The following CDH23 variants were observed in gnomAD, a reference collection of about 807,000 sequenced individuals.
The protein encoded by CDH23 is cadherin-23.
Under a neutral mutation model 317.1 loss-of-function variants are expected in CDH23, and 189 were observed. The observed-to-expected ratio is 0.60, with a 90% CI of 0.53 to 0.67. CDH23 has a LOEUF of 0.67. CDH23 is among the 30% of genes least tolerant of loss of function. CDH23 has a pLI of 0.00. For missense variants in CDH23, 4,401 were observed against 4,592.4 expected (o/e 0.96, Z 1.20); for synonymous variants, 1,839 against 1,876.8 (o/e 0.98, Z 0.52).
chr10:71,587,181 A>G (rs1433574270), intron 9 of CDH23, among the ~76,000 whole-genome samples: 1 of 152,272 alleles, frequency 6.6e-6, no homozygotes, highest in Non-Finnish European at 1.5e-5. Flanking sequence ...CGGCAGATCC[A>G]GGATTCAAAC....
At chr10:71,432,629 T>A (rs1849448397) in intron 1 of CDH23, among the ~76,000 whole-genome samples, 1 of 152,170 alleles carries the variant, frequency 6.6e-6, no homozygotes. Context: ...TGGGGCCAAG[T>A]GCCAGCCTTG....
rs368582818 is a variant in CDH23, at chr10:71,732,366, C to T, written c.4095C>T (p.Asp1365=). The T allele has an allele frequency of 9.5e-5, 149 of 1,563,320 alleles. No individual in the cohort carries two copies. The highest frequency in any genetic ancestry group is 9.4e-4 in the Admixed American group (49 of 51,990). ...AGGCCAAAGCCCTCTTCAAGATAGA[C>T]GCCATCACGGTGAGGGGCTGGGGGC... is the stretch of plus-strand genomic sequence containing the variant. ...STQAKALFKI[D]AITGVITVQG... Residue 1365 remains aspartate, a synonymous_variant, in exon 32 of 70, where the codon GAC becomes GAT. Transcript: ENST00000224721.
chr10:71,752,233 A>T (rs924600986), intron 38 of CDH23, among the ~76,000 whole-genome samples: 3 of 152,134 alleles, frequency 2.0e-5, no homozygotes, highest in Non-Finnish European at 2.9e-5. Context: ...AGGATCGAAC[A>T]TCCCCAAAGC....
At chr10:71,764,976 T>C (rs1840496918) in intron 38 of CDH23, among the ~76,000 whole-genome samples, 1 of 152,160 alleles carries the variant, frequency 6.6e-6, no homozygotes, top group African/African-American at 2.4e-5. Flanking sequence ...GTGCCCCTGG[T>C]TTTGTCCGTG....
intron 3 of CDH23, among the ~76,000 whole-genome samples, chr10:71,505,852 A>G (rs1426980874): frequency 6.6e-6 from 1 of 152,270 alleles, no homozygotes; most frequent in African/African-American, 2.4e-5. Context: ...ACATAGAATT[A>G]CTGTATGTTC....
At chr10:71,601,653 G>A (rs1202351251) in intron 9 of CDH23, among the ~76,000 whole-genome samples, 1 of 152,160 alleles carries the variant, frequency 6.6e-6, no homozygotes, top group Non-Finnish European at 1.5e-5. Context: ...AGGGTAACGG[G>A]GTGCTGGGTG....
At chr10:71,444,046 A>C (rs1325049055) in intron 2 of CDH23, among the ~76,000 whole-genome samples, 1 of 152,244 alleles carries the variant, frequency 6.6e-6, no homozygotes, top group Non-Finnish European at 1.5e-5. Context: ...TCAACAGCCC[A>C]AAGCAGCTAT....
At chr10:71,415,019 C>A (rs1331538294) in intron 1 of CDH23, among the ~76,000 whole-genome samples, 1 of 152,108 alleles carries the variant, frequency 6.6e-6, no homozygotes. Flanking sequence ...TGTCCTCATG[C>A]ATTTTTATAC....
intron 1 of CDH23, among the ~76,000 whole-genome samples, chr10:71,405,789 G>A (rs967670228): frequency 6.6e-6 from 1 of 152,018 alleles, no homozygotes; most frequent in African/African-American, 2.4e-5. Flanking sequence ...GTGGGGTGGG[G>A]GATCCTTCCA....
At chr10:71,772,336 A>G (rs890494818) in intron 38 of CDH23, among the ~76,000 whole-genome samples, 3 of 152,080 alleles carry the variant, frequency 2.0e-5, no homozygotes, top group African/African-American at 7.2e-5. Flanking sequence ...TCCCTGTGCC[A>G]AGCCCTCCAC....
chr10:71,518,105 T>C (rs148282621), intron 6 of CDH23, among the ~76,000 whole-genome samples: 1 of 152,260 alleles, frequency 6.6e-6, no homozygotes, highest in East Asian at 1.9e-4. Flanking sequence ...ATTTAAATAA[T>C]ATCTTCTGTA....
At chr10:71,509,554 A>G (rs113109476) in intron 3 of CDH23, among the ~76,000 whole-genome samples, 1,975 of 152,280 alleles carry the variant, frequency 0.013, 39 homozygotes, top group African/African-American at 0.041. Flanking sequence ...GCCAATGAGC[A>G]ACTCCCATGA....
intron 38 of CDH23, chr10:71,761,761 G>A (rs1840392715): frequency 1.2e-6 from 2 of 1,614,170 alleles, no homozygotes; most frequent in Non-Finnish European, 1.7e-6. Flanking sequence ...CCAGCCCGTG[G>A]CGCTGAGCCA....
In CDH23 at chr10:71,806,192, G is replaced by A. The variant is rs1385516067; in HGVS notation, c.8089G>A (p.Gly2697Ser). Residue 2697 changes from glycine (G) to serine (S), a missense_variant, in exon 57 of 70, where the codon GGC (glycine) becomes AGC (serine). Around this residue, in one of 3 missense-constraint regions of CDH23, gnomAD observed 1,144 missense variants for 1,138.2 expected, o/e 1.01. Coordinates refer to ENST00000224721, the MANE Select transcript of CDH23 (RefSeq NM_022124.6). ...YSLILVASDLGQPVPYETMQP... is the reference protein window; with the variant it reads ...YSLILVASDLSQPVPYETMQP... ...GCTCATCTTGGTGGCCAGCGACCTG[G>A]GCCAGCCAGTGCCATACGAGACTAT... 11 of 1,570,614 alleles carry A rather than the reference G, an allele frequency of 7.0e-6. No individual in the cohort carries two copies. Among genetic ancestry groups the A allele is most frequent in the Non-Finnish European group, 9.5e-6 (11 of 1,158,554 alleles).
At chr10:71,532,603 G>A (rs1240826637) in intron 6 of CDH23, among the ~76,000 whole-genome samples, 1 of 152,086 alleles carries the variant, frequency 6.6e-6, no homozygotes, top group Non-Finnish European at 1.5e-5. Flanking sequence ...GCTGGATGGA[G>A]ACTCAGGCAA....
At chr10:71,763,366 G>C (rs963054160) in intron 38 of CDH23, among the ~76,000 whole-genome samples, 39 of 152,208 alleles carry the variant, frequency 2.6e-4, no homozygotes, top group African/African-American at 8.9e-4. Context: ...AGAGAGGGAA[G>C]GAGGGTTAGA....
intron 1 of CDH23, among the ~76,000 whole-genome samples, chr10:71,416,477 A>G (rs942967884): frequency 3.9e-5 from 6 of 152,206 alleles, no homozygotes; most frequent in Non-Finnish European, 8.8e-5. Context: ...TTTTACATCC[A>G]TAAGACATTA....
At chr10:71,468,854 C>G (rs950753415) in intron 3 of CDH23, among the ~76,000 whole-genome samples, 1 of 152,208 alleles carries the variant, frequency 6.6e-6, no homozygotes, top group African/African-American at 2.4e-5. Context: ...ACTCCACGCA[C>G]GCCTCTGTTC....
At chr10:71,618,807 A>G (rs1861324663) in intron 11 of CDH23, among the ~76,000 whole-genome samples, 2 of 151,742 alleles carry the variant, frequency 1.3e-5, no homozygotes, top group South Asian at 4.2e-4. Flanking sequence ...CAGTCCCACC[A>G]TGTGCCTGTG....
Sources: gnomAD v4.1 joint callset for allele counts (sites outside exome capture counted in the v4.1 genomes callset) on GRCh38, gnomAD v4.1.1 for gene constraint, gnomAD v4.1.1 regional missense constraint, MANE v1.5 for transcripts, NCBI Gene and HGNC (gene_info 2026-07-23, HGNC 2026-07-21) for gene names.